SNUPN: variants seen among roughly 807,000 people sequenced by gnomAD.
SNUPN encodes snurportin 1, also known as snurportin-1.
SNUPN carries 31 observed loss-of-function variants against 39.2 expected under a neutral mutation model. The ratio of observed to expected loss-of-function variants is 0.79; its 90% confidence interval spans 0.59 to 1.07. The LOEUF (loss-of-function observed/expected upper bound fraction) is 1.07, where lower values mean the gene tolerates loss of function less well. Ranked by LOEUF, SNUPN falls within the 50% of genes least tolerant of loss-of-function variation. The pLI is 0.00. For missense variants in SNUPN, 382 were observed against 434.2 expected (o/e 0.88, Z 1.07); for synonymous variants, 132 against 159.0 (o/e 0.83, Z 1.28).
upstream of SNUPN, chr15:75,626,237 A>G (rs1893225411): frequency 6.6e-6 from 1 of 152,130 alleles, no homozygotes; most frequent in African/African-American, 2.4e-5. Context: ...GCAGATACAT[A>G]CCTCGATTAC....
intron 4 of SNUPN, 113 bp from the exon 5 acceptor site, chr15:75,609,764 CT>C: frequency 1.7e-6 from 2 of 1,147,630 alleles, no homozygotes; most frequent in South Asian, 2.7e-5. Flanking sequence ...ACAAACCTTC[CT>C]GCAGGAAAGT....
chr15:75,617,773 G>C (rs1892973793), intron 2 of SNUPN, among the ~76,000 whole-genome samples: 1 of 151,910 alleles, frequency 6.6e-6, no homozygotes, highest in African/African-American at 2.4e-5. Context: ...GTAGAGATGG[G>C]GTTTCACCAT....
intron 3 of SNUPN, among the ~76,000 whole-genome samples, chr15:75,612,232 C>T (rs2141371029): frequency 6.6e-6 from 1 of 152,072 alleles, no homozygotes; most frequent in East Asian, 1.9e-4. Context: ...AGGGTTTCAC[C>T]ATTTTGGCCA....
intron 7 of SNUPN, among the ~76,000 whole-genome samples, chr15:75,603,771 T>A (rs2075310043): frequency 6.6e-6 from 1 of 151,770 alleles, no homozygotes; most frequent in Non-Finnish European, 1.5e-5. Context: ...CTTGGCCCCA[T>A]GACAGCTACC....
rs1218377804 is a variant in SNUPN at position 75,607,212 on chromosome 15, C to G, written c.600+4G>C. On this transcript the variant is annotated splice_donor_region_variant and intron_variant, in intron 6 of 8. Transcript: ENST00000308588. ...AGAGCCACGAGAGGAGGATCCATCCCTACCTGGCAATCATAAAAAGGGTGT... is the reference window on the plus strand; with the variant it reads ...AGAGCCACGAGAGGAGGATCCATCCGTACCTGGCAATCATAAAAAGGGTGT... The G allele has an allele frequency of 6.2e-7, 1 of 1,606,018 alleles. No homozygotes were observed.
intron 7 of SNUPN, 90 bp from the exon 8 acceptor site, chr15:75,601,308 C>T: frequency 1.1e-6 from 1 of 892,758 alleles, no homozygotes; most frequent in South Asian, 1.4e-5. Flanking sequence ...GGCATAGTGG[C>T]TCACACCTGT....
At chr15:75,608,364 C>T (rs1431654341) in intron 5 of SNUPN, among the ~76,000 whole-genome samples, 1 of 152,108 alleles carries the variant, frequency 6.6e-6, no homozygotes, top group African/African-American at 2.4e-5. Flanking sequence ...GCCTGGGCCA[C>T]AGAGTGAGAC....
intron 5 of SNUPN, 64 bp downstream of exon 5, chr15:75,609,494 T>G (rs1340290252): frequency 5.9e-6 from 8 of 1,350,196 alleles, no homozygotes; most frequent in Non-Finnish European, 8.5e-6. Context: ...CGGCCCAAAG[T>G]GGGTCTTTAA....
Position 75,609,616 on chromosome 15 carries a change from A to G in SNUPN, c.444T>C (p.Cys148=). The G allele has an allele frequency of 6.2e-7, 1 of 1,613,648 alleles. No individual in the cohort carries two copies. The highest frequency in any genetic ancestry group is 8.5e-7 in the Non-Finnish European group (1 of 1,179,750). Residue 148 remains cysteine, a synonymous_variant, in exon 5 of 9, where the codon TGT becomes TGC. Transcript: ENST00000308588. ...STSAYTKSGY[C]VNRFSSLLPG... is the part of the protein sequence containing the mutation. ...GCAGAAGTGAAGAAAACCTGTTGAC[A>G]CAGTAGCCACTCTTGGTGTAGGCAC...
intron 3 of SNUPN, among the ~76,000 whole-genome samples, chr15:75,612,977 A>G (rs892699870): frequency 1.3e-5 from 2 of 152,070 alleles, no homozygotes; most frequent in African/African-American, 4.8e-5. Flanking sequence ...TATATTAAAA[A>G]CTCTTATAAT....
chr15:75,599,186 A>G (rs2141357730), intron 8 of SNUPN, among the ~76,000 whole-genome samples: 1 of 152,004 alleles, frequency 6.6e-6, no homozygotes, highest in Non-Finnish European at 1.5e-5. Context: ...AAAAAAAAAA[A>G]GGAAAGGATA....
chr15:75,611,616 A>G (rs1892785087), intron 3 of SNUPN, among the ~76,000 whole-genome samples: 3 of 151,512 alleles, frequency 2.0e-5, no homozygotes, highest in Non-Finnish European at 2.9e-5. Flanking sequence ...CAGCACTTTG[A>G]GAGGCTGTGG....
At chr15:75,601,345 C>A in intron 7 of SNUPN, 127 bp from the exon 8 acceptor site, 1 of 633,170 alleles carries the variant, frequency 1.6e-6, no homozygotes, top group Non-Finnish European at 2.9e-6. Context: ...GAGGCAAAGT[C>A]AGGAGGATCA....
intron 8 of SNUPN, among the ~76,000 whole-genome samples, chr15:75,600,177 A>C (rs1595980627): frequency 6.6e-6 from 1 of 151,982 alleles, no homozygotes; most frequent in East Asian, 1.9e-4. Context: ...TGATGGGCAA[A>C]GGAAAATGTG....
chr15:75,605,686 G>A (rs2075325845), intron 6 of SNUPN, among the ~76,000 whole-genome samples: 1 of 152,068 alleles, frequency 6.6e-6, no homozygotes, highest in Admixed American at 6.6e-5. Flanking sequence ...AAATATATTT[G>A]GTTTTAGTTA....
chr15:75,602,961 G>C (rs2075300825), intron 7 of SNUPN, among the ~76,000 whole-genome samples: 1 of 152,006 alleles, frequency 6.6e-6, no homozygotes, highest in African/African-American at 2.4e-5. Flanking sequence ...TGTTGCCCAG[G>C]CTGCTCCGAA....
At chr15:75,599,356 C>T (rs1293635293) in intron 8 of SNUPN, among the ~76,000 whole-genome samples, 1 of 151,324 alleles carries the variant, frequency 6.6e-6, no homozygotes, top group Non-Finnish European at 1.5e-5. Flanking sequence ...TCAACTTGAA[C>T]TCTGGTCTTC....
chr15:75,606,435 T>A (rs1011756009), intron 6 of SNUPN, among the ~76,000 whole-genome samples: 1 of 151,774 alleles, frequency 6.6e-6, no homozygotes, highest in African/African-American at 2.4e-5. Context: ...ATGCCTGGTC[T>A]GGAGACTACA....
Position 75,598,340 on chromosome 15 carries a change from T to G in SNUPN, c.*18A>C, listed in dbSNP as rs924339177. On this transcript the variant is annotated 3_prime_UTR_variant, in exon 9 of 9. Transcript: ENST00000308588. ...GGGCCAGGTACCATCCTGTGGCTCC[T>G]TAAGGAGGCTTCTCTCTTTAATTCT... 1 of 1,600,198 alleles carries G rather than the reference T, an allele frequency of 6.2e-7. No individual in the cohort carries two copies. The highest frequency in any genetic ancestry group is 1.7e-5 in the Admixed American group (1 of 59,078).
Sources: allele counts gnomAD v4.1 joint callset (sites outside exome capture counted in the v4.1 genomes callset), GRCh38; gene constraint gnomAD v4.1.1; transcripts MANE v1.5; gene names NCBI Gene and HGNC (gene_info 2026-07-23, HGNC 2026-07-21).